Variants in PTPRD observed in about 807,000 individuals in gnomAD.
The protein encoded by PTPRD is protein tyrosine phosphatase receptor type D, also known as receptor-type tyrosine-protein phosphatase delta.
PTPRD carries 34 observed loss-of-function variants against 214.5 expected under a neutral mutation model. The ratio of observed to expected loss-of-function variants is 0.16; its 90% CI spans 0.12 to 0.21. PTPRD has a LOEUF of 0.21. PTPRD is among the 10% of genes least tolerant of loss of function. PTPRD has a pLI of 1.00. For synonymous variants in PTPRD, 1,128 were observed against 845.7 expected, an observed-to-expected ratio of 1.33 and a Z score of -5.79; for missense variants, 2,545 against 2,398.7, an observed-to-expected ratio of 1.06 and a Z score of -1.27.
chr9:9,800,826 T>C (rs1400601480), intron 5 of PTPRD, among the ~76,000 whole-genome samples: 1 of 152,194 alleles, frequency 6.6e-6, no homozygotes, highest in African/African-American at 2.4e-5. Context: ...GCAGTACCTA[T>C]AATAAGCAAT....
At chr9:9,510,391 G>C (rs149440261) in intron 8 of PTPRD, among the ~76,000 whole-genome samples, 17 of 151,040 alleles carry the variant, frequency 1.1e-4, no homozygotes, top group African/African-American at 3.9e-4. Context: ...GCATATATTA[G>C]GCAATCATTA....
At chr9:9,336,744 G>T (rs1416804995) in intron 9 of PTPRD, among the ~76,000 whole-genome samples, 1 of 152,064 alleles carries the variant, frequency 6.6e-6, no homozygotes, top group Non-Finnish European at 1.5e-5. Context: ...AACTTTTAAA[G>T]TAAGCTCACT....
chr9:8,609,427 A>G (rs1157944997), intron 14 of PTPRD, among the ~76,000 whole-genome samples: 1 of 152,164 alleles, frequency 6.6e-6, no homozygotes, highest in Non-Finnish European at 1.5e-5. Flanking sequence ...TAGATTGATG[A>G]GTTGTGAAAA....
intron 44 of PTPRD, among the ~76,000 whole-genome samples, chr9:8,330,443 TTTA>T (rs1343828076): frequency 6.6e-6 from 1 of 152,168 alleles, no homozygotes; most frequent in Admixed American, 6.5e-5. Context: ...TGTGACTCCC[TTTA>T]TTGTGGTAAT....
At chr9:8,560,605 A>C (rs142565351) in intron 14 of PTPRD, among the ~76,000 whole-genome samples, 1 of 152,312 alleles carries the variant, frequency 6.6e-6, no homozygotes, top group East Asian at 1.9e-4. Flanking sequence ...AAAGTCATTC[A>C]ATGAATTGCA....
intron 3 of PTPRD, among the ~76,000 whole-genome samples, chr9:10,180,169 T>C (rs1359177799): frequency 6.6e-6 from 1 of 151,990 alleles, no homozygotes; most frequent in Non-Finnish European, 1.5e-5. Context: ...GTTTAAAAAA[T>C]ATCAGAAAAT....
intron 3 of PTPRD, among the ~76,000 whole-genome samples, chr9:10,316,284 G>A (rs1181837309): frequency 6.6e-6 from 1 of 151,138 alleles, no homozygotes; most frequent in Non-Finnish European, 1.5e-5. Flanking sequence ...TAATAATTTA[G>A]CATATTGTCC....
Position 8,845,183 on chromosome 9 carries a change from C to CAA in PTPRD, c.-103-111239_-103-111238dup, listed in dbSNP as rs780589695. Reference sequence around the variant, plus strand: ...TCCTTGCAGGAAAAAAAAACAAAAACAAAAAAAAACACACAATTCTGTGTT... The same window carrying CAA: ...TCCTTGCAGGAAAAAAAAACAAAAACAAAAAAAAAAACACACAATTCTGTGTT... On this transcript the variant is annotated intron_variant, in intron 11 of 45. Coordinates refer to ENST00000381196, the MANE Select transcript of PTPRD (RefSeq NM_002839.4). Among the ~76,000 whole-genome samples the CAA allele has an allele frequency of 8.5e-4, 63 of 73,890 alleles. 1 individual carries two copies. The highest frequency in any genetic ancestry group is 0.015 in the Middle Eastern group (2 of 130). 48.5% of individuals were successfully genotyped at this position (73,890 alleles called of 152,430 possible).
intron 17 of PTPRD, 151 bp downstream of exon 17, chr9:8,526,476 A>G (rs928227597): frequency 1.5e-5 from 7 of 470,772 alleles, no homozygotes; most frequent in Non-Finnish European, 2.2e-5. Context: ...ACAATATGAG[A>G]GTCACTGATC....
intron 8 of PTPRD, among the ~76,000 whole-genome samples, chr9:9,499,791 C>G (rs2096341564): frequency 6.6e-6 from 1 of 152,050 alleles, no homozygotes; most frequent in African/African-American, 2.4e-5. Flanking sequence ...CAACCAAAAA[C>G]AGTGCCTGAT....
chr9:8,948,894 A>AT (rs1390656889), intron 11 of PTPRD, among the ~76,000 whole-genome samples: 3 of 151,752 alleles, frequency 2.0e-5, no homozygotes, highest in South Asian at 2.1e-4. Context: ...GTTCCCAGTT[A>AT]TTTTTTTCTC....
chr9:9,368,163 C>T (rs1016218716), intron 9 of PTPRD, among the ~76,000 whole-genome samples: 3 of 151,690 alleles, frequency 2.0e-5, no homozygotes, highest in Non-Finnish European at 4.4e-5. Context: ...TGGGGTAAAA[C>T]GTTAGACCTG....
chr9:9,141,628 C>G (rs2028782), intron 10 of PTPRD, among the ~76,000 whole-genome samples: 1 of 151,124 alleles, frequency 6.6e-6, no homozygotes, highest in Non-Finnish European at 1.5e-5. Flanking sequence ...CAGTGCACAT[C>G]ATGAAGAATG....
Position 8,962,296 on chromosome 9 carries a change from A to C in PTPRD, c.-104+56401T>G, listed in dbSNP as rs574834052. 3.3e-5 allele frequency: 5 copies of C among 152,260 alleles called. No individual in the cohort carries two copies. The South Asian group carries it at 1.0e-3, about 32-fold the overall frequency. The allele number at this position is 152,260 out of a possible 1,614,324, so 9.4% of individuals were successfully genotyped here. ...TGTGTGTGGTTTTGATGAGGTGGTC[A>C]GTCTAGGTGCTCTGCCCTCTGAACA... On this transcript the variant is annotated intron_variant, in intron 11 of 45. Transcript: ENST00000381196.
chr9:10,302,396 G>C (rs2095888872), intron 3 of PTPRD, among the ~76,000 whole-genome samples: 1 of 152,038 alleles, frequency 6.6e-6, no homozygotes, highest in African/African-American at 2.4e-5. Context: ...ATAAAGACAG[G>C]ATCAAATTCA....
At chr9:9,998,942 T>C (rs1454544943) in intron 4 of PTPRD, among the ~76,000 whole-genome samples, 1 of 151,928 alleles carries the variant, frequency 6.6e-6, no homozygotes, top group Non-Finnish European at 1.5e-5. Context: ...TTATCCTCAG[T>C]TTTTTTTCCT....
chr9:10,601,484 T>A (rs560633444), intron 2 of PTPRD, among the ~76,000 whole-genome samples: 40 of 151,894 alleles, frequency 2.6e-4, no homozygotes, highest in African/African-American at 9.4e-4. Flanking sequence ...ACTTACTACA[T>A]CTGTTTGTCT....
intron 8 of PTPRD, among the ~76,000 whole-genome samples, chr9:9,435,953 G>A (rs1044785034): frequency 6.6e-6 from 1 of 152,114 alleles, no homozygotes. Flanking sequence ...CTTTAGCCCT[G>A]TTTCCCATTC....
chr9:9,275,914 G>A (rs1450336649), intron 9 of PTPRD, among the ~76,000 whole-genome samples: 1 of 151,188 alleles, frequency 6.6e-6, no homozygotes, highest in Non-Finnish European at 1.5e-5. Flanking sequence ...GGCCGTGAAG[G>A]AGATTGAGCT....
Sources: gnomAD v4.1 joint callset for allele counts (sites outside exome capture counted in the v4.1 genomes callset) on GRCh38, gnomAD v4.1.1 for gene constraint, MANE v1.5 for transcripts, NCBI Gene and HGNC (gene_info 2026-07-23, HGNC 2026-07-21) for gene names.